Variants in UBE2Q2 observed in about 807,000 individuals in gnomAD.
The protein encoded by UBE2Q2 is ubiquitin-conjugating enzyme E2 Q2.
In UBE2Q2, 54 loss-of-function variants were observed where a neutral mutation model predicts 59.9. That is an observed-to-expected ratio of 0.90 (90% CI 0.72 to 1.13). UBE2Q2 has a LOEUF of 1.13. UBE2Q2 is among the 50% of genes most tolerant of loss of function. UBE2Q2 has a pLI of 0.00. For synonymous variants in UBE2Q2, 165 were observed against 155.2 expected (o/e 1.06, Z -0.47); for missense variants, 433 against 441.9 (o/e 0.98, Z 0.18).
chr15:75,844,633 T>A, intron 1 of UBE2Q2: 1 of 840,480 alleles, frequency 1.2e-6, no homozygotes, highest in Non-Finnish European at 1.8e-6. Flanking sequence ...ACTCACTCAT[T>A]AAGCGGAAAT....
intron 3 of UBE2Q2, among the ~76,000 whole-genome samples, chr15:75,865,460 C>G (rs922880664): frequency 2.0e-5 from 3 of 152,198 alleles, no homozygotes; most frequent in African/African-American, 7.2e-5. Context: ...GTGTTAGGAA[C>G]AGCGAATGCT....
chr15:75,856,269 G>GTGTGTGTGTGTGTA (rs1256142539), intron 2 of UBE2Q2, among the ~76,000 whole-genome samples: 8 of 139,286 alleles, frequency 5.7e-5, no homozygotes, highest in African/African-American at 2.2e-4. Context: ...GTGTGTGTGT[G>GTGTGTGTGTGTGTA]TATATATATA....
At chr15:75,855,909 G>A (rs1390785015) in intron 2 of UBE2Q2, among the ~76,000 whole-genome samples, 1 of 152,032 alleles carries the variant, frequency 6.6e-6, no homozygotes, top group African/African-American at 2.4e-5. Context: ...ATTTCTGCTG[G>A]GTGTGTAGTG....
At chr15:75,869,949 TA>T (rs912995915) in intron 4 of UBE2Q2, among the ~76,000 whole-genome samples, 4 of 152,004 alleles carry the variant, frequency 2.6e-5, no homozygotes, top group Non-Finnish European at 2.9e-5. Context: ...GGTCTTGATT[TA>T]AAAAAAAATT....
chr15:75,843,628 CT>C lies in UBE2Q2; in HGVS notation c.-38del. 1 of 1,549,632 alleles carries C rather than the reference CT, an allele frequency of 6.5e-7. No homozygotes were observed. The highest frequency in any genetic ancestry group is 8.7e-7 in the Non-Finnish European group (1 of 1,151,258). On this transcript the variant is annotated 5_prime_UTR_variant, in exon 1 of 13. Coordinates refer to ENST00000267938, the MANE Select transcript of UBE2Q2 (RefSeq NM_173469.4). ...GGCCCGGCTCCCCTTCCGCGCCCGG[CT>C]CCCCTTCCGCGCCCCTCCCGCCGGA...
rs1203035731 is a variant in UBE2Q2, at chr15:75,900,892, A to AT, written c.*1436dup. On this transcript the variant is annotated 3_prime_UTR_variant, in exon 13 of 13. Transcript: ENST00000267938. ...GGCTAAATCTTGAATACATTGTTGA[A>AT]TTCTTTAATATCCTGATGGCAAGCA... The AT allele has an allele frequency of 2.8e-4, 43 of 152,732 alleles. No individual in the cohort carries two copies. Among genetic ancestry groups the AT allele is most frequent in the African/African-American group, 9.9e-4 (41 of 41,566 alleles). 9.5% of individuals were successfully genotyped at this position (152,732 alleles called of 1,614,324 possible). A position where few individuals can be genotyped will look rare whatever the true frequency, so the allele number is the denominator to read the frequency against.
At position 75,900,029 on chromosome 15, in the gene UBE2Q2, T is replaced by G. The variant is rs2141691290; in HGVS notation, c.*571T>G. ...GAAGATATGAATTGTTTCCTGAAGA[T>G]AATACTCTTAATTGAGTTGTATTGT... On this transcript the variant is annotated 3_prime_UTR_variant, in exon 13 of 13. Transcript: ENST00000267938. The G allele has an allele frequency of 6.6e-6, 1 of 151,610 alleles. No homozygotes were observed. Among genetic ancestry groups the G allele is most frequent in the East Asian group, 1.9e-4 (1 of 5,192 alleles). 9.4% of individuals were successfully genotyped at this position (151,610 alleles called of 1,614,324 possible).
intron 2 of UBE2Q2, 96 bp downstream of exon 2, chr15:75,854,583 A>G: frequency 1.4e-6 from 1 of 729,224 alleles, no homozygotes; most frequent in Non-Finnish European, 2.1e-6. Flanking sequence ...AGCATGATTA[A>G]TGATTATAAT....
In UBE2Q2 at chr15:75,843,681, G is replaced by A. The variant is rs1002657129; in HGVS notation, c.15G>A (p.Gly5=). 2.5e-6 allele frequency: 4 copies of A among 1,609,824 alleles called. No homozygotes were observed. In the Admixed American group the frequency reaches 6.7e-5, roughly 27 times the overall value. Residue 5 remains glycine (G), a synonymous_variant, in exon 1 of 13, where the codon GGG becomes GGA. Transcript: ENST00000267938. ...ATGAGGGGAAGATGTCCGTGTCAGG[G>A]CTCAAGGCCGAGCTGAAGTTCCTGG... is the stretch of plus-strand genomic sequence containing the variant. The part of the protein sequence containing the change: MSVS[G]LKAELKFLAS...
chr15:75,868,919 T>C lies in UBE2Q2; in HGVS notation c.388-32T>C, dbSNP rs1412184029. 5 of 1,608,992 alleles carry C rather than the reference T, an allele frequency of 3.1e-6. No homozygotes were observed. The East Asian group carries it at 1.1e-4, about 36-fold the overall frequency. ...ACTCAGCCTGTGCATATTTGTTCTG[T>C]ATAGCCCTGGCAGATTCTTTCTCTG... On this transcript the variant is annotated intron_variant, in intron 3 of 12. Coordinates refer to ENST00000267938, the MANE Select transcript of UBE2Q2 (RefSeq NM_173469.4).
chr15:75,893,441 A>G (rs1899216091), intron 11 of UBE2Q2, among the ~76,000 whole-genome samples: 1 of 152,314 alleles, frequency 6.6e-6, no homozygotes, highest in East Asian at 1.9e-4. Context: ...GCCTCAAAAT[A>G]CCCAGGAAAA....
intron 5 of UBE2Q2, among the ~76,000 whole-genome samples, chr15:75,874,705 C>T (rs766703945): frequency 1.2e-4 from 18 of 152,118 alleles, no homozygotes; most frequent in Admixed American, 2.0e-4. Context: ...ACAGTACATA[C>T]CTTTTGGATG....
At chr15:75,895,762 G>A (rs1483032066) in intron 11 of UBE2Q2, among the ~76,000 whole-genome samples, 1 of 152,012 alleles carries the variant, frequency 6.6e-6, no homozygotes, top group Non-Finnish European at 1.5e-5. Context: ...GCTGCATCGA[G>A]GCACTCTTAC....
At chr15:75,883,472 A>AT in intron 9 of UBE2Q2, 48 bp downstream of exon 9, 6 of 1,538,682 alleles carry the variant, frequency 3.9e-6, no homozygotes, top group South Asian at 2.3e-5. Flanking sequence ...AGTTAAAAAA[A>AT]ATTTTTTTTT....
At chr15:75,857,205 A>G (rs1232349046) in intron 2 of UBE2Q2, among the ~76,000 whole-genome samples, 1 of 152,228 alleles carries the variant, frequency 6.6e-6, no homozygotes, top group Non-Finnish European at 1.5e-5. Context: ...ACATGTTTAC[A>G]TCCCCAGCAA....
chr15:75,850,325 G>A (rs1482743183), intron 1 of UBE2Q2, among the ~76,000 whole-genome samples: 1 of 152,174 alleles, frequency 6.6e-6, no homozygotes. Flanking sequence ...CGATGCTTAT[G>A]TGTGTTCCCT....
At chr15:75,852,354 CAT>C (rs1896674615) in intron 1 of UBE2Q2, among the ~76,000 whole-genome samples, 1 of 152,170 alleles carries the variant, frequency 6.6e-6, no homozygotes, top group Admixed American at 6.5e-5. Context: ...CATATGTCAA[CAT>C]GTTAGTATTC....
At chr15:75,884,657 A>G (rs1011405698) in intron 9 of UBE2Q2, among the ~76,000 whole-genome samples, 1 of 150,804 alleles carries the variant, frequency 6.6e-6, no homozygotes, top group Non-Finnish European at 1.5e-5. Context: ...AATATAATTT[A>G]TTTTTACTTA....
At chr15:75,849,451 G>T (rs1450425465) in intron 1 of UBE2Q2, among the ~76,000 whole-genome samples, 4 of 152,140 alleles carry the variant, frequency 2.6e-5, no homozygotes, top group African/African-American at 4.8e-5. Context: ...TTTGGTTGCT[G>T]GTGCTTGAGA....
Sources: allele counts gnomAD v4.1 joint callset (sites outside exome capture counted in the v4.1 genomes callset), GRCh38; gene constraint gnomAD v4.1.1; transcripts MANE v1.5; gene names NCBI Gene and HGNC (gene_info 2026-07-23, HGNC 2026-07-21).